The following RCL1 variants were observed in gnomAD, a reference collection of about 807,000 sequenced individuals.
RCL1 encodes the protein RNA 3'-terminal phosphate cyclase-like protein.
A neutral mutation model predicts 42.4 loss-of-function variants in RCL1; 24 were observed. The ratio of observed to expected loss-of-function variants is 0.57; its 90% CI spans 0.41 to 0.80. The LOEUF is 0.80. Among genes scored for constraint, RCL1 ranks in the 30% least tolerant of loss-of-function variants. The pLI, the probability that RCL1 is intolerant of heterozygous loss-of-function variation, is 0.00. For synonymous variants in RCL1, 228 were observed against 177.3 expected, an observed-to-expected ratio of 1.29 and a Z score of -2.27; for missense variants, 578 against 467.9, an observed-to-expected ratio of 1.24 and a Z score of -2.17.
At chr9:4,793,555 C>T (rs1328359200) in intron 1 of RCL1, among the ~76,000 whole-genome samples, 2 of 152,222 alleles carry the variant, frequency 1.3e-5, no homozygotes, top group African/African-American at 2.4e-5. Flanking sequence ...TTGCCCTCGC[C>T]ATAAACCTCT....
chr9:4,804,734 C>T (rs978379955), intron 1 of RCL1: 6 of 183,522 alleles, frequency 3.3e-5, no homozygotes, highest in Middle Eastern at 2.6e-3. Context: ...GATCGGCTGA[C>T]GCCAGCGAGG....
At chr9:4,828,549 T>TTG (rs1485216776) in intron 3 of RCL1, among the ~76,000 whole-genome samples, 3 of 151,592 alleles carry the variant, frequency 2.0e-5, no homozygotes, top group Non-Finnish European at 4.4e-5. Context: ...ATTAAGTGTT[T>TTG]TTTTTTTTTT....
intron 5 of RCL1, among the ~76,000 whole-genome samples, chr9:4,835,494 G>A (rs575785539): frequency 3.3e-5 from 5 of 152,280 alleles, no homozygotes; most frequent in Admixed American, 2.6e-4. Context: ...GGGAAACAGC[G>A]GCTTGTGGGG....
At chr9:4,806,255 G>C (rs976656546) in intron 1 of RCL1, among the ~76,000 whole-genome samples, 3 of 151,936 alleles carry the variant, frequency 2.0e-5, no homozygotes, top group Non-Finnish European at 2.9e-5. Flanking sequence ...GCACTGGCTA[G>C]AATTTCTAGC....
Position 4,834,177 on chromosome 9 carries a change from G to A in RCL1, c.496G>A (p.Glu166Lys), listed in dbSNP as rs1394119805. 65 of 1,613,550 alleles carry A rather than the reference G, an allele frequency of 4.0e-5. No individual in the cohort carries two copies. Among genetic ancestry groups the A allele is most frequent in the Non-Finnish European group, 5.4e-5 (64 of 1,179,750 alleles). Residue 166 changes from glutamate to lysine, a missense_variant, in exon 5 of 9, where the codon GAA becomes AAA. Transcript: ENST00000381750. Reference protein sequence around the residue: ...RRGMPPGGGGEVVFSCPVRKV... With the variant: ...RRGMPPGGGGKVVFSCPVRKV... ...GGGAATGCCTCCCGGAGGAGGAGGCGAAGTGGTTTTCTCATGTCCTGTGAG... is the reference window on the plus strand; with the variant it reads ...GGGAATGCCTCCCGGAGGAGGAGGCAAAGTGGTTTTCTCATGTCCTGTGAG...
intron 1 of RCL1, among the ~76,000 whole-genome samples, chr9:4,796,177 A>G (rs1185692025): frequency 1.3e-5 from 2 of 152,090 alleles, no homozygotes; most frequent in East Asian, 1.9e-4. Context: ...CTTCTGGTGT[A>G]CCCATTATCC....
chr9:4,826,638 T>C (rs1360088986), intron 2 of RCL1, among the ~76,000 whole-genome samples: 1 of 152,214 alleles, frequency 6.6e-6, no homozygotes, highest in Non-Finnish European at 1.5e-5. Context: ...TTTACTTTAT[T>C]ACTGATTATT....
At chr9:4,824,947 C>T (rs991880444) in intron 2 of RCL1, among the ~76,000 whole-genome samples, 15 of 152,054 alleles carry the variant, frequency 9.9e-5, no homozygotes, top group Admixed American at 2.6e-4. Flanking sequence ...AGTCTTGTTC[C>T]GTCAACTAGG....
chr9:4,851,153 A>G (rs1817735199), intron 8 of RCL1, among the ~76,000 whole-genome samples: 1 of 152,174 alleles, frequency 6.6e-6, no homozygotes, highest in East Asian at 1.9e-4. Flanking sequence ...TCTTCAACAC[A>G]TCTTCTCACC....
intron 1 of RCL1, chr9:4,804,716 G>A (rs543627303): frequency 7.0e-4 from 124 of 177,562 alleles, no homozygotes; most frequent in African/African-American, 2.9e-3. Flanking sequence ...TGCGCTGGTG[G>A]GGAGGACGAT....
At chr9:4,825,446 A>G (rs1379574961) in intron 2 of RCL1, among the ~76,000 whole-genome samples, 1 of 152,132 alleles carries the variant, frequency 6.6e-6, no homozygotes, top group East Asian at 1.9e-4. Flanking sequence ...CAGATAACTG[A>G]CCCAGAGTCC....
chr9:4,833,046 T>TA (rs1422954807), intron 3 of RCL1, 108 bp from the exon 4 acceptor site: 24 of 740,480 alleles, frequency 3.2e-5, no homozygotes, highest in Non-Finnish European at 5.4e-5. Flanking sequence ...CCTTTCTGTT[T>TA]ACCACACTGC....
At chr9:4,815,303 T>A (rs1428688730) in intron 1 of RCL1, among the ~76,000 whole-genome samples, 2 of 152,232 alleles carry the variant, frequency 1.3e-5, no homozygotes, top group Non-Finnish European at 2.9e-5. Flanking sequence ...TTCATTTTCA[T>A]TCTCATTTCT....
intron 3 of RCL1, among the ~76,000 whole-genome samples, chr9:4,832,551 C>T (rs1290077607): frequency 6.6e-6 from 1 of 151,890 alleles, no homozygotes; most frequent in Admixed American, 6.6e-5. Context: ...TGGCTCACAC[C>T]TGTTATCCCA....
At position 4,792,966 on chromosome 9, in the gene RCL1, C is replaced by T. The variant is rs1014982468; in HGVS notation, c.-126C>T. Reference sequence around the variant, plus strand: ...TCCAAACCACGTGGACGCGTCTGGGCTGCTGGAGGCAGCCCGAGCCGCCGC... The same window carrying T: ...TCCAAACCACGTGGACGCGTCTGGGTTGCTGGAGGCAGCCCGAGCCGCCGC... On this transcript the variant is annotated 5_prime_UTR_variant, in exon 1 of 9. Coordinates refer to ENST00000381750, the MANE Select transcript of RCL1 (RefSeq NM_005772.5). The T allele has an allele frequency of 5.3e-5, 55 of 1,043,974 alleles. 1 individual carries two copies. The African/African-American group carries it at 8.6e-4, about 16-fold the overall frequency. The allele number at this position is 1,043,974 out of a possible 1,614,324, so 64.7% of individuals were successfully genotyped here.
At chr9:4,833,953 A>G (rs1817034944) in intron 4 of RCL1, among the ~76,000 whole-genome samples, 188 bp from the exon 5 acceptor site, 1 of 152,208 alleles carries the variant, frequency 6.6e-6, no homozygotes, top group Admixed American at 6.5e-5. Context: ...ACTTTGACAC[A>G]TGCTGCACAG....
At chr9:4,796,542 T>G (rs1182627361) in intron 1 of RCL1, among the ~76,000 whole-genome samples, 1 of 152,196 alleles carries the variant, frequency 6.6e-6, no homozygotes, top group Non-Finnish European at 1.5e-5. Context: ...ACTACAGATG[T>G]GTACCACAGC....
At chr9:4,855,091 G>A (rs898733893) in intron 8 of RCL1, among the ~76,000 whole-genome samples, 1 of 149,528 alleles carries the variant, frequency 6.7e-6, no homozygotes, top group Non-Finnish European at 1.5e-5. Context: ...AGTTATCTCT[G>A]TGCTCCAGAA....
intron 1 of RCL1, among the ~76,000 whole-genome samples, chr9:4,801,761 G>A (rs1471164579): frequency 2.8e-5 from 4 of 144,936 alleles, no homozygotes; most frequent in African/African-American, 1.0e-4. Context: ...AATTGCCCAA[G>A]CATCATTTGT....
Sources: gnomAD v4.1 joint callset for allele counts (sites outside exome capture counted in the v4.1 genomes callset) on GRCh38, gnomAD v4.1.1 for gene constraint, MANE v1.5 for transcripts, NCBI Gene and HGNC (gene_info 2026-07-23, HGNC 2026-07-21) for gene names.